Variants in KCTD16 observed in about 807,000 individuals in gnomAD.
KCTD16 encodes the protein potassium channel tetramerization domain containing 16.
A neutral mutation model predicts 33.2 loss-of-function variants in KCTD16; 13 were observed. That is an observed-to-expected ratio of 0.39 (90% CI 0.25 to 0.62). KCTD16 has a LOEUF of 0.62. Among genes scored for constraint, KCTD16 ranks in the 20% least tolerant of loss-of-function variants. The pLI, the probability that KCTD16 is intolerant of heterozygous loss-of-function variation, is 0.50. For missense variants in KCTD16, 441 were observed against 525.1 expected (o/e 0.84, Z 1.57); for synonymous variants, 197 against 195.3 (o/e 1.01, Z -0.07).
intron 3 of KCTD16, among the ~76,000 whole-genome samples, chr5:144,398,280 T>C (rs577882250): frequency 1.3e-5 from 2 of 152,322 alleles, no homozygotes; most frequent in Admixed American, 1.3e-4. Flanking sequence ...CTATTTTTCA[T>C]ATTTACCATT....
At chr5:144,343,766 T>C (rs1399638812) in intron 3 of KCTD16, among the ~76,000 whole-genome samples, 1 of 152,218 alleles carries the variant, frequency 6.6e-6, no homozygotes, top group East Asian at 1.9e-4. Context: ...TCCCAGAGAT[T>C]CTGGTATGTT....
At chr5:144,306,405 G>T (rs565838860) in intron 3 of KCTD16, among the ~76,000 whole-genome samples, 1 of 152,322 alleles carries the variant, frequency 6.6e-6, no homozygotes, top group African/African-American at 2.4e-5. Flanking sequence ...CCCACTGCCT[G>T]CCCTGGCAGC....
In KCTD16 at chr5:144,432,493, T is replaced by C. The variant is rs560018892; in HGVS notation, c.833-41167T>C. Among the ~76,000 whole-genome samples, 8 of 152,296 alleles carry C rather than the reference T, an allele frequency of 5.3e-5. No homozygotes were observed. In the East Asian group the frequency reaches 1.5e-3, roughly 29 times the overall value. On this transcript the variant is annotated intron_variant, in intron 3 of 3. Coordinates refer to ENST00000512467, the MANE Select transcript of KCTD16 (RefSeq NM_020768.4). ...AACTTTTTCAAGCACACATATGTTA[T>C]CAGGACTTGTTGAAATGATATCTTT...
intron 3 of KCTD16, among the ~76,000 whole-genome samples, chr5:144,237,242 C>G (rs114949320): frequency 6.6e-6 from 1 of 151,962 alleles, no homozygotes; most frequent in Non-Finnish European, 1.5e-5. Flanking sequence ...TAATTTCCAG[C>G]GAAGTTGGTT....
intron 2 of KCTD16, among the ~76,000 whole-genome samples, chr5:144,179,589 T>A (rs73792181): frequency 9.5e-4 from 145 of 152,344 alleles, no homozygotes; most frequent in Middle Eastern, 3.4e-3. Context: ...GATCCTTCCT[T>A]CACCAACATG....
intron 3 of KCTD16, among the ~76,000 whole-genome samples, chr5:144,348,782 A>T (rs936360587): frequency 1.3e-5 from 2 of 152,206 alleles, no homozygotes; most frequent in South Asian, 4.1e-4. Context: ...AGACTCCTTG[A>T]GCTTAAGAAA....
chr5:144,256,879 A>C (rs954413348), intron 3 of KCTD16, among the ~76,000 whole-genome samples: 1 of 152,170 alleles, frequency 6.6e-6, no homozygotes, highest in Non-Finnish European at 1.5e-5. Flanking sequence ...CAGATAAGGT[A>C]TGATCAACAT....
At chr5:144,258,710 C>T (rs1223576076) in intron 3 of KCTD16, among the ~76,000 whole-genome samples, 1 of 152,176 alleles carries the variant, frequency 6.6e-6, no homozygotes, top group African/African-American at 2.4e-5. Flanking sequence ...GCTCATTTCT[C>T]TTGAAAACAG....
intron 3 of KCTD16, among the ~76,000 whole-genome samples, chr5:144,309,939 T>C (rs999990198): frequency 3.9e-5 from 6 of 152,318 alleles, no homozygotes; most frequent in African/African-American, 1.2e-4. Flanking sequence ...TCATTGTGTA[T>C]ATTTAAAACA....
At chr5:144,451,197 C>T (rs1753933460) in intron 3 of KCTD16, among the ~76,000 whole-genome samples, 1 of 152,124 alleles carries the variant, frequency 6.6e-6, no homozygotes, top group South Asian at 2.1e-4. Context: ...CTCAGAACAA[C>T]TTACCCTGCT....
intron 2 of KCTD16, among the ~76,000 whole-genome samples, chr5:144,197,306 T>G (rs1752957613): frequency 6.6e-6 from 1 of 152,230 alleles, no homozygotes; most frequent in Non-Finnish European, 1.5e-5. Context: ...TATATATTAC[T>G]TATCCTTTTG....
At chr5:144,421,151 AT>A (rs758203565) in intron 3 of KCTD16, among the ~76,000 whole-genome samples, 3 of 152,134 alleles carry the variant, frequency 2.0e-5, no homozygotes, top group Non-Finnish European at 4.4e-5. Context: ...TAATTGAAAA[AT>A]TTTGTTTTTT....
chr5:144,217,126 T>C (rs1561532647), intron 3 of KCTD16, among the ~76,000 whole-genome samples: 1 of 152,228 alleles, frequency 6.6e-6, no homozygotes. Flanking sequence ...GTTCTGAAGC[T>C]ACCCCAAACA....
At chr5:144,317,062 G>T (rs944886023) in intron 3 of KCTD16, among the ~76,000 whole-genome samples, 1 of 151,728 alleles carries the variant, frequency 6.6e-6, no homozygotes, top group African/African-American at 2.4e-5. Flanking sequence ...TCTTGAACTC[G>T]TGATCTGCCC....
chr5:144,469,358 A>G (rs546991775), intron 3 of KCTD16, among the ~76,000 whole-genome samples: 56 of 152,232 alleles, frequency 3.7e-4, no homozygotes, highest in African/African-American at 1.2e-3. Flanking sequence ...CTGAATACAC[A>G]TTTTCCTGAG....
At chr5:144,225,149 G>A (rs777652538) in intron 3 of KCTD16, among the ~76,000 whole-genome samples, 1 of 152,212 alleles carries the variant, frequency 6.6e-6, no homozygotes, top group East Asian at 1.9e-4. Context: ...CAAGGGAGCC[G>A]CCTCACAAGA....
intron 3 of KCTD16, among the ~76,000 whole-genome samples, chr5:144,359,541 C>T (rs765188057): frequency 9.2e-5 from 14 of 151,750 alleles, no homozygotes; most frequent in Admixed American, 3.9e-4. Flanking sequence ...CTTTTTAATC[C>T]GTTACATGCA....
chr5:144,236,241 A>G lies in KCTD16; in HGVS notation c.832+28695A>G, dbSNP rs531100212. On this transcript the variant is annotated intron_variant, in intron 3 of 3. Coordinates refer to ENST00000512467, the MANE Select transcript of KCTD16 (RefSeq NM_020768.4). ...AGCAAAATTAAAATGCAGAGGGAGA[A>G]GTAAATTCTAACTACTGGATAACAT... 3.3e-5 allele frequency among the ~76,000 whole-genome samples: 5 copies of G among 152,264 alleles called. No homozygotes were observed. In the East Asian group the frequency reaches 5.8e-4, roughly 18 times the overall value.
intron 3 of KCTD16, among the ~76,000 whole-genome samples, chr5:144,371,048 G>A (rs1034793825): frequency 6.6e-6 from 1 of 152,050 alleles, no homozygotes; most frequent in African/African-American, 2.4e-5. Flanking sequence ...TTCTGTTGGA[G>A]TTAAGTCTCT....
Sources: gnomAD v4.1 joint callset for allele counts (sites outside exome capture counted in the v4.1 genomes callset) on GRCh38, gnomAD v4.1.1 for gene constraint, MANE v1.5 for transcripts, NCBI Gene and HGNC (gene_info 2026-07-23, HGNC 2026-07-21) for gene names.